NOX4: variants seen among roughly 807,000 people sequenced by gnomAD.
NOX4 encodes the protein kidney oxidase-1.
Under a neutral mutation model 87.6 loss-of-function variants are expected in NOX4, and 69 were observed. That is an observed-to-expected ratio of 0.79 (90% CI 0.65 to 0.96). NOX4 has a LOEUF of 0.96. Ranked by LOEUF, NOX4 falls within the 40% of genes least tolerant of loss-of-function variation. NOX4 has a pLI of 0.00. For missense variants in NOX4, 680 were observed against 681.5 expected (o/e 1.00, Z 0.02); for synonymous variants, 275 against 238.2 (o/e 1.15, Z -1.42).
intron 8 of NOX4, among the ~76,000 whole-genome samples, chr11:89,420,274 T>C (rs1943013543): frequency 6.6e-6 from 1 of 152,136 alleles, no homozygotes; most frequent in South Asian, 2.1e-4. Flanking sequence ...ATGTGAAGCA[T>C]TTTGAATTTA....
At chr11:89,508,439 C>G in the NOX4 span, among the ~76,000 whole-genome samples, 1 of 152,022 alleles carries the variant, frequency 6.6e-6, no homozygotes, top group African/African-American at 2.4e-5. Flanking sequence ...TTTTCTTGAG[C>G]CTTTCTAAGA....
At chr11:89,432,586 A>C (rs1052378424) in intron 7 of NOX4, among the ~76,000 whole-genome samples, 198 bp downstream of exon 7, 4 of 152,090 alleles carry the variant, frequency 2.6e-5, no homozygotes, top group Non-Finnish European at 5.9e-5. Context: ...ACAATTTCTT[A>C]CCAATCCAGA....
At chr11:89,467,862 G>T (rs1315194791) in intron 2 of NOX4, among the ~76,000 whole-genome samples, 1 of 152,188 alleles carries the variant, frequency 6.6e-6, no homozygotes, top group African/African-American at 2.4e-5. Context: ...GACAACAGAT[G>T]TTAAGGAAGT....
At chr11:89,475,277 T>G (rs1946118763) in intron 2 of NOX4, among the ~76,000 whole-genome samples, 1 of 151,984 alleles carries the variant, frequency 6.6e-6, no homozygotes, top group Admixed American at 6.6e-5. Context: ...TTCCCCTATT[T>G]TCTATAATAA....
chr11:89,398,486 C>A (rs1246341993), intron 11 of NOX4, among the ~76,000 whole-genome samples: 2 of 151,576 alleles, frequency 1.3e-5, no homozygotes, highest in Non-Finnish European at 2.9e-5. Context: ...AAGTAAATTT[C>A]TTATGAACTC....
intron 8 of NOX4, among the ~76,000 whole-genome samples, chr11:89,415,250 CA>C: frequency 6.6e-6 from 1 of 152,006 alleles, no homozygotes; most frequent in Non-Finnish European, 1.5e-5. Context: ...TTATTATGAA[CA>C]GTATAATTAT....
intron 2 of NOX4, among the ~76,000 whole-genome samples, chr11:89,474,487 A>T (rs1265420014): frequency 6.6e-6 from 1 of 150,890 alleles, no homozygotes; most frequent in Non-Finnish European, 1.5e-5. Context: ...AAGGAATTAA[A>T]GTTGTCCAAC....
chr11:89,366,531 C>T (rs1046072742), intron 12 of NOX4, among the ~76,000 whole-genome samples: 1 of 151,732 alleles, frequency 6.6e-6, no homozygotes, highest in African/African-American at 2.4e-5. Flanking sequence ...TAAAAATTAG[C>T]CAGGCATGGT....
At chr11:89,360,115 C>T (rs1453683505) in intron 12 of NOX4, among the ~76,000 whole-genome samples, 1 of 151,898 alleles carries the variant, frequency 6.6e-6, no homozygotes, top group Non-Finnish European at 1.5e-5. Flanking sequence ...GTACTTCATA[C>T]CCCAAAAAGG....
chr11:89,458,052 A>T (rs942059288), intron 2 of NOX4, among the ~76,000 whole-genome samples: 5 of 152,226 alleles, frequency 3.3e-5, no homozygotes, highest in Admixed American at 2.0e-4. Flanking sequence ...AATTAGAAAA[A>T]AAACTATTTT....
At chr11:89,455,466 C>T (rs550925118) in intron 2 of NOX4, among the ~76,000 whole-genome samples, 43 of 152,178 alleles carry the variant, frequency 2.8e-4, no homozygotes, top group East Asian at 1.5e-3. Context: ...ATCCTCAGCC[C>T]TAACACAGTG....
At chr11:89,428,222 C>T (rs1376990916) in intron 7 of NOX4, among the ~76,000 whole-genome samples, 3 of 152,102 alleles carry the variant, frequency 2.0e-5, no homozygotes, top group Non-Finnish European at 4.4e-5. Flanking sequence ...GAAGGAAGCA[C>T]TAAACATGGA....
the NOX4 span, among the ~76,000 whole-genome samples, chr11:89,529,414 G>A: frequency 6.6e-5 from 10 of 152,130 alleles, no homozygotes; most frequent in Non-Finnish European, 5.9e-5. Context: ...AATGCATTGA[G>A]AAACTCAGTG....
chr11:89,573,816 A>G, the NOX4 span, among the ~76,000 whole-genome samples: 33 of 152,168 alleles, frequency 2.2e-4, no homozygotes, highest in Admixed American at 2.2e-3. Context: ...CTGGCATCTT[A>G]TGCCCCTTTT....
chr11:89,504,346 TCC>T, the NOX4 span, among the ~76,000 whole-genome samples: 4 of 151,898 alleles, frequency 2.6e-5, no homozygotes, highest in African/African-American at 9.7e-5. Context: ...CATTTTGCAC[TCC>T]ATACAAAAAT....
chr11:89,509,100 G>C, the NOX4 span, among the ~76,000 whole-genome samples: 1 of 151,876 alleles, frequency 6.6e-6, no homozygotes, highest in Admixed American at 6.6e-5. Context: ...CAAAAAAATT[G>C]AATCAGAAAC....
At chr11:89,459,723 G>A (rs1012074698) in intron 2 of NOX4, among the ~76,000 whole-genome samples, 15 of 152,176 alleles carry the variant, frequency 9.9e-5, no homozygotes, top group African/African-American at 3.6e-4. Flanking sequence ...TCGTGAAAAT[G>A]GCCATACTGC....
intron 2 of NOX4, among the ~76,000 whole-genome samples, chr11:89,469,244 C>T (rs1398482031): frequency 1.3e-5 from 2 of 152,034 alleles, no homozygotes; most frequent in East Asian, 1.9e-4. Context: ...TAAATATGTA[C>T]ACTAAACTAT....
At chr11:89,440,168 C>A (rs1944395513) in intron 6 of NOX4, among the ~76,000 whole-genome samples, 1 of 152,138 alleles carries the variant, frequency 6.6e-6, no homozygotes, top group African/African-American at 2.4e-5. Context: ...CATTTATTCA[C>A]ACCCCAATGT....
Sources: allele counts gnomAD v4.1 joint callset (sites outside exome capture counted in the v4.1 genomes callset), GRCh38; gene constraint gnomAD v4.1.1; transcripts MANE v1.5; gene names NCBI Gene and HGNC (gene_info 2026-07-23, HGNC 2026-07-21).